Variants in PSTPIP2 observed in about 807,000 individuals in gnomAD.
The protein encoded by PSTPIP2 is proline-serine-threonine phosphatase-interacting protein 2.
Under a neutral mutation model 63.3 loss-of-function variants are expected in PSTPIP2, and 33 were observed. The observed-to-expected ratio is 0.52, with a 90% CI of 0.40 to 0.70. The LOEUF (loss-of-function observed/expected upper bound fraction) is 0.70, where lower values mean the gene tolerates loss of function less well. Ranked by LOEUF, PSTPIP2 falls within the 30% of genes least tolerant of loss-of-function variation. The pLI, the probability that PSTPIP2 is intolerant of heterozygous loss-of-function variation, is 0.00. For synonymous variants in PSTPIP2, 125 were observed against 132.7 expected (o/e 0.94, Z 0.40); for missense variants, 312 against 400.7 (o/e 0.78, Z 1.89).
chr18:46,011,766 C>T (rs1196647195), intron 4 of PSTPIP2, among the ~76,000 whole-genome samples: 4 of 152,130 alleles, frequency 2.6e-5, no homozygotes, highest in African/African-American at 9.7e-5. Context: ...TGATTTTTCC[C>T]CTTATTTTTT....
At chr18:46,030,848 T>C (rs1907765713) in intron 2 of PSTPIP2, among the ~76,000 whole-genome samples, 1 of 152,256 alleles carries the variant, frequency 6.6e-6, no homozygotes, top group Non-Finnish European at 1.5e-5. Context: ...CTTGTTCCAC[T>C]GGCTTCTGTC....
chr18:46,002,595 TA>T (rs1405863629), intron 6 of PSTPIP2, among the ~76,000 whole-genome samples: 1 of 152,234 alleles, frequency 6.6e-6, no homozygotes, highest in African/African-American at 2.4e-5. Context: ...GGTTCATCTT[TA>T]TATCTTCTAT....
Position 46,050,355 on chromosome 18 carries a change from A to G in PSTPIP2, c.34-10308T>C, listed in dbSNP as rs1487594352. 2.0e-5 allele frequency among the ~76,000 whole-genome samples: 3 copies of G among 152,196 alleles called. No individual in the cohort carries two copies. In the East Asian group the frequency reaches 5.8e-4, roughly 29 times the overall value. The stretch of plus-strand genomic sequence containing the variant: ...GAGGCCAAGGTGGGCGGTTCACTTG[A>G]GCCCAGGAGTTCGCGACAAGCCTAA... On this transcript the variant is annotated intron_variant, in intron 1 of 14. Transcript: ENST00000409746.
intron 2 of PSTPIP2, chr18:46,028,198 C>G (rs766734313): frequency 2.8e-6 from 1 of 357,650 alleles, no homozygotes; most frequent in Non-Finnish European, 5.6e-6. Flanking sequence ...TGAGGTTTCA[C>G]GCGAGCGCCT....
intron 2 of PSTPIP2, among the ~76,000 whole-genome samples, chr18:46,025,203 C>T (rs1039373280): frequency 2.4e-4 from 37 of 152,146 alleles, no homozygotes; most frequent in African/African-American, 8.9e-4. Context: ...CTTTTTGTCA[C>T]CATCTCCACT....
chr18:46,025,502 C>T (rs182016289), intron 2 of PSTPIP2, among the ~76,000 whole-genome samples: 1 of 152,180 alleles, frequency 6.6e-6, no homozygotes, highest in East Asian at 1.9e-4. Flanking sequence ...CACATATACA[C>T]ATATGTGTAA....
intron 1 of PSTPIP2, among the ~76,000 whole-genome samples, chr18:46,062,374 C>T (rs936538777): frequency 6.6e-6 from 1 of 152,020 alleles, no homozygotes; most frequent in African/African-American, 2.4e-5. Flanking sequence ...GGCATGGTGG[C>T]TCATGCCTGT....
chr18:45,986,473 A>T (rs1568206431), intron 14 of PSTPIP2, among the ~76,000 whole-genome samples: 1 of 152,238 alleles, frequency 6.6e-6, no homozygotes, highest in Non-Finnish European at 1.5e-5. Flanking sequence ...GAAAAAGGTA[A>T]AAAATAAAAA....
intron 1 of PSTPIP2, among the ~76,000 whole-genome samples, chr18:46,041,406 C>G (rs933385858): frequency 6.6e-6 from 1 of 151,988 alleles, no homozygotes; most frequent in African/African-American, 2.4e-5. Flanking sequence ...GCCACCATAC[C>G]CAGCTATTTT....
chr18:46,027,299 AATAAATAAAT>A (rs1454779777), intron 2 of PSTPIP2, among the ~76,000 whole-genome samples: 1 of 26,572 alleles, frequency 3.8e-5, no homozygotes, highest in Admixed American at 4.9e-4. Flanking sequence ...CCATCTCAAA[AATAAATAAAT>A]AAATAAATAA....
Position 46,065,694 on chromosome 18 carries a change from G to A in PSTPIP2, c.33+6462C>T, listed in dbSNP as rs534952347. Reference sequence around the variant, plus strand: ...ATCGGCCAGGCTGGTCTCGAACTCCGGACCTTGTGATGCACCTGTCTCAGC... The same window carrying A: ...ATCGGCCAGGCTGGTCTCGAACTCCAGACCTTGTGATGCACCTGTCTCAGC... On this transcript the variant is annotated intron_variant, in intron 1 of 14. Transcript: ENST00000409746. 1.1e-4 allele frequency among the ~76,000 whole-genome samples: 16 copies of A among 151,838 alleles called. No homozygotes were observed. In the South Asian group the frequency reaches 1.2e-3, roughly 12 times the overall value.
At chr18:46,053,827 T>A (rs1026488106) in intron 1 of PSTPIP2, among the ~76,000 whole-genome samples, 1 of 152,158 alleles carries the variant, frequency 6.6e-6, no homozygotes, top group African/African-American at 2.4e-5. Flanking sequence ...CATGAGGGGA[T>A]CTTAAATGCA....
intron 1 of PSTPIP2, among the ~76,000 whole-genome samples, chr18:46,054,775 C>G (rs1178044652): frequency 6.6e-6 from 1 of 151,618 alleles, no homozygotes; most frequent in Non-Finnish European, 1.5e-5. Flanking sequence ...ATTCTCCTGC[C>G]TCAGCCTCCT....
chr18:46,018,094 A>G (rs1408271900), intron 3 of PSTPIP2, among the ~76,000 whole-genome samples: 1 of 151,832 alleles, frequency 6.6e-6, no homozygotes, highest in Admixed American at 6.6e-5. Context: ...AAGTCACCCT[A>G]CTCATCCTCT....
intron 1 of PSTPIP2, among the ~76,000 whole-genome samples, chr18:46,051,582 T>C (rs750596879): frequency 3.2e-4 from 49 of 152,210 alleles, no homozygotes; most frequent in Non-Finnish European, 5.6e-4. Context: ...AAACTTAACA[T>C]AGAAGGCATA....
At chr18:46,061,036 G>A (rs947241822) in intron 1 of PSTPIP2, among the ~76,000 whole-genome samples, 2 of 152,234 alleles carry the variant, frequency 1.3e-5, no homozygotes, top group African/African-American at 4.8e-5. Context: ...GGGTGTGGTA[G>A]CTCACACCTA....
At position 45,985,335 on chromosome 18, in the gene PSTPIP2, T is replaced by A; in HGVS notation, c.*124A>T. The A allele has an allele frequency of 1.5e-6, 2 of 1,364,036 alleles. No individual in the cohort carries two copies. The highest frequency in any genetic ancestry group is 2.0e-6 in the Non-Finnish European group (2 of 985,864). 84.5% of individuals were successfully genotyped at this position (1,364,036 alleles called of 1,614,324 possible). A position where few individuals can be genotyped will look rare whatever the true frequency, so the allele number is the denominator to read the frequency against. ...CCATAAATTTTAAATCTCTAAAAAA[T>A]TATAGCAAGGGTTCACTTCAAAGTC... On this transcript the variant is annotated 3_prime_UTR_variant, in exon 15 of 15. Coordinates refer to ENST00000409746, the MANE Select transcript of PSTPIP2 (RefSeq NM_024430.4).
intron 4 of PSTPIP2, among the ~76,000 whole-genome samples, chr18:46,012,722 G>A (rs2051812843): frequency 1.3e-5 from 2 of 152,320 alleles, no homozygotes; most frequent in Admixed American, 6.5e-5. Context: ...GCAGTGAGCC[G>A]AGATTGTGCC....
At chr18:46,049,007 CATGTGTGTGTGTGT>C (rs1487004779) in intron 1 of PSTPIP2, among the ~76,000 whole-genome samples, 17 of 93,320 alleles carry the variant, frequency 1.8e-4, no homozygotes, top group African/African-American at 6.2e-4. Flanking sequence ...AGAAAAAAAG[CATGTGTGTGTGTGT>C]GTGTGTGTGT....
Sources: allele counts gnomAD v4.1 joint callset (sites outside exome capture counted in the v4.1 genomes callset), GRCh38; gene constraint gnomAD v4.1.1; transcripts MANE v1.5; gene names NCBI Gene and HGNC (gene_info 2026-07-23, HGNC 2026-07-21).